The following KIF1A variants were observed in gnomAD, a reference collection of about 807,000 sequenced individuals.
KIF1A encodes kinesin family member 1A, also known as kinesin-like protein KIF1A.
A neutral mutation model predicts 227.3 loss-of-function variants in KIF1A; 46 were observed. That is an observed-to-expected ratio of 0.20 (90% CI 0.16 to 0.26). The LOEUF (loss-of-function observed/expected upper bound fraction) is 0.26, where lower values mean the gene tolerates loss of function less well. Among genes scored for constraint, KIF1A ranks in the 10% least tolerant of loss-of-function variants. The probability of loss-of-function intolerance (pLI) is 1.00; values close to 1 mark genes in which losing one functional copy is unlikely to be tolerated. For synonymous variants in KIF1A, 1,022 were observed against 1,012.8 expected (o/e 1.01, Z -0.17); for missense variants, 1,683 against 2,485.9 (o/e 0.68, Z 6.87).
rs757813982 is a variant in KIF1A at position 240,717,026 on chromosome 2, CACTA to C, written c.*334_*337del. ...ATTTCCGAGTTGACTGTTTCAATGTCACTAACTAACGTATATTAATTATAAGTCT... is the reference window on the plus strand; with the variant it reads ...ATTTCCGAGTTGACTGTTTCAATGTCACTAACGTATATTAATTATAAGTCT... On this transcript the variant is annotated 3_prime_UTR_variant, in exon 49 of 49. Coordinates refer to ENST00000498729, the MANE Select transcript of KIF1A (RefSeq NM_001244008.2). The C allele has an allele frequency of 6.5e-5, 20 of 307,650 alleles. No individual in the cohort carries two copies. The highest frequency in any genetic ancestry group is 1.0e-4 in the Non-Finnish European group (17 of 167,404). 19.1% of individuals were successfully genotyped at this position (307,650 alleles called of 1,614,324 possible).
rs1439128452 is a variant in KIF1A, at chr2:240,740,793, G to T, written c.3750-429C>A. On this transcript the variant is annotated intron_variant, in intron 35 of 48. Transcript: ENST00000498729. This position sits in a 1 kb window ranked among gnomAD's most constrained non-coding sequence, Gnocchi z 6.1. ...TGGGCAAGGATCCGAGTCTCCACCA[G>T]GCCCCACTCTGAGCTGCCAGCCACA... 3.3e-5 allele frequency among the ~76,000 whole-genome samples: 5 copies of T among 152,054 alleles called. No homozygotes were observed. The highest frequency in any genetic ancestry group is 1.2e-4 in the African/African-American group (5 of 41,396).
In KIF1A at chr2:240,760,768, C is replaced by T. The variant is rs369842871; in HGVS notation, c.2341G>A (p.Ala781Thr). 4.2e-5 allele frequency: 67 copies of T among 1,601,240 alleles called. No homozygotes were observed. Among genetic ancestry groups the T allele is most frequent in the Admixed American group, 1.6e-4 (9 of 57,700 alleles). Reference sequence around the variant, plus strand: ...AAGGGCCGCGTCTCTCGGTCTTTGGCGGCCTCTGGGGGCAGCAGGTCGGGT... The same window carrying T: ...AAGGGCCGCGTCTCTCGGTCTTTGGTGGCCTCTGGGGGCAGCAGGTCGGGT... Reference protein sequence around the residue: ...LPPDLLPPEAAKDRETRPFPR... With the variant: ...LPPDLLPPEATKDRETRPFPR... Residue 781 changes from alanine to threonine, a missense_variant, in exon 25 of 49, where the codon GCC becomes ACC. By Grantham distance (58) the Ala-to-Thr change is moderately conservative. Coordinates refer to ENST00000498729, the MANE Select transcript of KIF1A (RefSeq NM_001244008.2).
intron 19 of KIF1A, 73 bp from the exon 20 acceptor site, chr2:240,765,866 G>C (rs1008021963): frequency 9.0e-7 from 1 of 1,117,048 alleles, no homozygotes; most frequent in East Asian, 2.4e-5. Context: ...GGCTTACCTG[G>C]CCCCCGGGCA....
intron 20 of KIF1A, 145 bp from the exon 21 acceptor site, chr2:240,763,491 G>T (rs1043158067): frequency 1.4e-6 from 1 of 740,654 alleles, no homozygotes; most frequent in East Asian, 2.8e-5. Flanking sequence ...TTCAGCCCTC[G>T]CTGGGACCTG....
chr2:240,749,522 A>G (rs552425879), intron 28 of KIF1A, among the ~76,000 whole-genome samples: 2 of 152,280 alleles, frequency 1.3e-5, no homozygotes, highest in Non-Finnish European at 2.9e-5. Flanking sequence ...TTTGAGAGGA[A>G]AAAGAGTGCT....
At chr2:240,754,676 A>C (rs1015218474) in intron 27 of KIF1A, among the ~76,000 whole-genome samples, 4 of 152,166 alleles carry the variant, frequency 2.6e-5, no homozygotes, top group Non-Finnish European at 4.4e-5. Flanking sequence ...TAGGTGCCAG[A>C]AATAACCTGA....
Position 240,761,362 on chromosome 2 carries a change from C to A in KIF1A, c.2132G>T (p.Arg711Leu), listed in dbSNP as rs774604596. Residue 711 changes from arginine to leucine, a missense_variant, in exon 24 of 49, where the codon CGG becomes CTG. Around this residue, in one of 12 missense-constraint regions of KIF1A, gnomAD observed 217 missense variants for 427.0 expected, o/e 0.51. Transcript: ENST00000498729. ...EPEDEVQWTE[R>L]ECELALWAFR... ...GGCCCAGAGCGCCAGCTCACACTCC[C>A]GCTCTGTCCACTGGACTGTGGGGAG... 2 of 1,610,086 alleles carry A rather than the reference C, an allele frequency of 1.2e-6. No individual in the cohort carries two copies. The highest frequency in any genetic ancestry group is 1.7e-6 in the Non-Finnish European group (2 of 1,177,578).
intron 24 of KIF1A, 86 bp downstream of exon 24, chr2:240,761,143 T>G (rs2050475876): frequency 2.7e-6 from 4 of 1,458,662 alleles, no homozygotes; most frequent in Non-Finnish European, 3.7e-6. Context: ...GAGAGCCAAG[T>G]GCTGAGTCCC....
rs1328629486 is a variant in KIF1A at position 240,723,698 on chromosome 2, G to T, written c.4319-140C>A. On this transcript the variant is annotated intron_variant, in intron 41 of 48. Transcript: ENST00000498729. ...TCCCCTGGTCCTTGGTCCACCCTGGGGCCCAAAGAGCCATGTAGGCCTCTT... is the reference window on the plus strand; with the variant it reads ...TCCCCTGGTCCTTGGTCCACCCTGGTGCCCAAAGAGCCATGTAGGCCTCTT... 2.9e-5 allele frequency: 31 copies of T among 1,056,534 alleles called. 1 individual carries two copies. The South Asian group carries it at 4.9e-4, about 17-fold the overall frequency. The allele number at this position is 1,056,534 out of a possible 1,614,324, so 65.4% of individuals were successfully genotyped here.
intron 1 of KIF1A, among the ~76,000 whole-genome samples, chr2:240,818,506 A>G (rs1284284806): frequency 6.6e-6 from 1 of 151,938 alleles, no homozygotes; most frequent in Non-Finnish European, 1.5e-5. Context: ...CCCATCCCAC[A>G]CCCTGCACCG....
intron 1 of KIF1A, among the ~76,000 whole-genome samples, chr2:240,806,846 C>T (rs1174741417): frequency 6.6e-6 from 1 of 152,074 alleles, no homozygotes; most frequent in Non-Finnish European, 1.5e-5. Context: ...TCAGACACTT[C>T]TTATAGGTGA....
rs1163394564 is a variant in KIF1A, at chr2:240,784,390, GTGAGGGCA to G, written c.721-582_721-575del. On this transcript the variant is annotated intron_variant, in intron 7 of 48. Coordinates refer to ENST00000498729, the MANE Select transcript of KIF1A (RefSeq NM_001244008.2). ...CACAGGACCCTCTCGGTGCCCACCA[GTGAGGGCA>G]GCGGGGCAGGCAGCCGCGCCGACCT... Among the ~76,000 whole-genome samples, 1,148 of 152,298 alleles carry G rather than the reference GTGAGGGCA, an allele frequency of 7.5e-3. 19 individuals are homozygous for G. Among genetic ancestry groups the G allele is most frequent in the African/African-American group, 0.027 (1,117 of 41,554 alleles).
At chr2:240,774,344 CA>C (rs2052446212) in intron 11 of KIF1A, 83 bp from the exon 12 acceptor site, 1 of 874,076 alleles carries the variant, frequency 1.1e-6, no homozygotes, top group Non-Finnish European at 1.9e-6. Context: ...CCCACATTTA[CA>C]GATGGGGAGG....
chr2:240,761,562 C>G (rs1232155558), intron 23 of KIF1A, among the ~76,000 whole-genome samples, 185 bp from the exon 24 acceptor site: 5 of 152,192 alleles, frequency 3.3e-5, no homozygotes, highest in Non-Finnish European at 7.3e-5. Flanking sequence ...GGTTACTCCC[C>G]CTGTGGTCAC....
chr2:240,730,511 C>A (rs1264758389), intron 38 of KIF1A, among the ~76,000 whole-genome samples: 2 of 152,230 alleles, frequency 1.3e-5, no homozygotes, highest in Non-Finnish European at 2.9e-5. Context: ...AGCACCCAAA[C>A]CCTCAGAATC....
intron 29 of KIF1A, 83 bp from the exon 30 acceptor site, chr2:240,746,260 A>G: frequency 6.7e-7 from 1 of 1,487,254 alleles, no homozygotes; most frequent in South Asian, 1.2e-5. Flanking sequence ...GGCCCACGGG[A>G]GGGCTGTGCC....
chr2:240,729,970 C>G (rs376440625), intron 38 of KIF1A, among the ~76,000 whole-genome samples: 21 of 152,230 alleles, frequency 1.4e-4, no homozygotes, highest in African/African-American at 4.8e-4. Flanking sequence ...GCTTCCCACT[C>G]TGCCCAGGGG....
At position 240,725,528 on chromosome 2, in the gene KIF1A, T is replaced by G. The variant is rs1471390474; in HGVS notation, c.4123-124A>C. Reference sequence around the variant, plus strand: ...GCAGCCCCAGGGCCTTCCCAGGGCCTCAGGTGTGGCCTGGACGCAGGCAGG... The same window carrying G: ...GCAGCCCCAGGGCCTTCCCAGGGCCGCAGGTGTGGCCTGGACGCAGGCAGG... On this transcript the variant is annotated intron_variant, in intron 39 of 48. Transcript: ENST00000498729. The surrounding 1 kb of genome is among the most constrained non-coding windows in gnomAD (Gnocchi z 5.8). 9.4e-7 allele frequency: 1 copy of G among 1,067,658 alleles called. No individual in the cohort carries two copies. The highest frequency in any genetic ancestry group is 1.6e-5 in the African/African-American group (1 of 62,912). The allele number at this position is 1,067,658 out of a possible 1,614,324, so 66.1% of individuals were successfully genotyped here. A position where few individuals can be genotyped will look rare whatever the true frequency, so the allele number is the denominator to read the frequency against.
rs542282232 is a variant in KIF1A at position 240,752,257 on chromosome 2, G to C, written c.2859-1710C>G. On this transcript the variant is annotated intron_variant, in intron 27 of 48. Coordinates refer to ENST00000498729, the MANE Select transcript of KIF1A (RefSeq NM_001244008.2). This position sits in a 1 kb window ranked among gnomAD's most constrained non-coding sequence, Gnocchi z 6.4. The stretch of plus-strand genomic sequence containing the variant: ...AGGCGGCTCTGCCTGACTTAGGTGT[G>C]GGGGCTGGAGCTCCACTGCCCTGGG... Among the ~76,000 whole-genome samples, 4 of 152,140 alleles carry C rather than the reference G, an allele frequency of 2.6e-5. No homozygotes were observed. The highest frequency in any genetic ancestry group is 9.6e-5 in the African/African-American group (4 of 41,504).
Sources: allele counts gnomAD v4.1 joint callset (sites outside exome capture counted in the v4.1 genomes callset), GRCh38; gene constraint gnomAD v4.1.1; regional missense constraint gnomAD v4.1.1; non-coding constraint Gnocchi (gnomAD v3.1); transcripts MANE v1.5; gene names NCBI Gene and HGNC (gene_info 2026-07-23, HGNC 2026-07-21).